FAM107B: variants seen among roughly 807,000 people sequenced by gnomAD.
The protein encoded by FAM107B is protein FAM107B.
In FAM107B, 21 loss-of-function variants were observed where a neutral mutation model predicts 31.5. That is an observed-to-expected ratio of 0.67 (90% CI 0.47 to 0.96). FAM107B has a LOEUF of 0.96. Among genes scored for constraint, FAM107B ranks in the 40% least tolerant of loss-of-function variants. The pLI, the probability that FAM107B is intolerant of heterozygous loss-of-function variation, is 0.00. For missense variants in FAM107B, 452 were observed against 377.1 expected, an observed-to-expected ratio of 1.20 and a Z score of -1.64; for synonymous variants, 157 against 141.5, an observed-to-expected ratio of 1.11 and a Z score of -0.78.
chr10:14,646,324 T>C (rs1853753141), intron 2 of FAM107B, among the ~76,000 whole-genome samples: 1 of 152,068 alleles, frequency 6.6e-6, no homozygotes, highest in South Asian at 2.1e-4. Flanking sequence ...GAATTTTTCA[T>C]TCCTCACCCC....
chr10:14,628,894 T>C (rs1054173782), intron 2 of FAM107B, among the ~76,000 whole-genome samples: 112 of 152,092 alleles, frequency 7.4e-4, no homozygotes, highest in African/African-American at 2.6e-3. Context: ...TGAAACAATT[T>C]GGTATGACTA....
At chr10:14,708,305 T>C (rs1855566487) in intron 1 of FAM107B, among the ~76,000 whole-genome samples, 1 of 152,116 alleles carries the variant, frequency 6.6e-6, no homozygotes, top group Non-Finnish European at 1.5e-5. Context: ...GGTCTCAAAC[T>C]CCTGACCTTA....
intron 1 of FAM107B, among the ~76,000 whole-genome samples, chr10:14,738,551 C>T (rs1196096469): frequency 1.3e-5 from 2 of 152,142 alleles, no homozygotes; most frequent in Non-Finnish European, 2.9e-5. Context: ...CCTTAGGATT[C>T]CCAGCAGTAA....
chr10:14,752,832 T>C (rs1218515274), intron 1 of FAM107B, among the ~76,000 whole-genome samples: 1 of 151,964 alleles, frequency 6.6e-6, no homozygotes, highest in East Asian at 1.9e-4. Context: ...CTTTGGAGGC[T>C]GAGGCCAGAG....
At chr10:14,676,858 A>C (rs1854694896) in intron 1 of FAM107B, among the ~76,000 whole-genome samples, 2 of 152,220 alleles carry the variant, frequency 1.3e-5, no homozygotes, top group South Asian at 4.1e-4. Context: ...TCAAAGCTGC[A>C]AGAAACGCTG....
chr10:14,690,900 T>C (rs1042823478), intron 1 of FAM107B, among the ~76,000 whole-genome samples: 2 of 150,948 alleles, frequency 1.3e-5, no homozygotes, highest in South Asian at 4.2e-4. Flanking sequence ...TGATGATGTC[T>C]GATTGATCCA....
chr10:14,635,022 G>C (rs1490299384), intron 2 of FAM107B, among the ~76,000 whole-genome samples: 2 of 151,818 alleles, frequency 1.3e-5, no homozygotes, highest in African/African-American at 2.4e-5. Flanking sequence ...CCCGGAGGCG[G>C]AGGCTGCAGT....
chr10:14,774,117 T>C, intron 1 of FAM107B, 136 bp downstream of exon 1: 1 of 1,052,640 alleles, frequency 9.5e-7, no homozygotes, highest in Non-Finnish European at 1.3e-6. Context: ...AACACACTTC[T>C]TCGCACTAGT....
chr10:14,672,216 G>A (rs1318034794), intron 1 of FAM107B, among the ~76,000 whole-genome samples: 1 of 151,866 alleles, frequency 6.6e-6, no homozygotes, highest in Non-Finnish European at 1.5e-5. Context: ...AGCCTCCCGA[G>A]CAGCTGGGAT....
At chr10:14,625,013 T>G (rs1323650623) in intron 2 of FAM107B, among the ~76,000 whole-genome samples, 2 of 152,016 alleles carry the variant, frequency 1.3e-5, no homozygotes, top group Non-Finnish European at 2.9e-5. Flanking sequence ...TCACTTGAGG[T>G]CAGGAGTTTG....
chr10:14,646,521 G>A (rs1412130485), intron 2 of FAM107B, among the ~76,000 whole-genome samples: 2 of 152,186 alleles, frequency 1.3e-5, no homozygotes, highest in Admixed American at 1.3e-4. Flanking sequence ...TTTTATAGCT[G>A]AGGCGTATTC....
At chr10:14,764,288 T>C (rs1394613975) in intron 1 of FAM107B, among the ~76,000 whole-genome samples, 1 of 152,326 alleles carries the variant, frequency 6.6e-6, no homozygotes, top group South Asian at 2.1e-4. Context: ...AGATTTGATG[T>C]TTTAAGTTAC....
intron 1 of FAM107B, among the ~76,000 whole-genome samples, chr10:14,736,057 G>C (rs1027822373): frequency 6.6e-6 from 1 of 152,168 alleles, no homozygotes; most frequent in African/African-American, 2.4e-5. Flanking sequence ...GAAAAGAAGA[G>C]GGGGAGCGAG....
rs1388088912 is a variant in FAM107B at position 14,522,004 on chromosome 10, C to G, written c.669G>C (p.Gln223His). 1 of 1,613,676 alleles carries G rather than the reference C, an allele frequency of 6.2e-7. No homozygotes were observed. Among genetic ancestry groups the G allele is most frequent in the Non-Finnish European group, 8.5e-7 (1 of 1,179,968 alleles). The change falls in exon 4 of 5, where the codon CAG becomes CAC. Residue 223 changes from glutamine to histidine, a missense_variant. Transcript: ENST00000181796. The part of the protein sequence containing the change: ...LMNQKRGLAP[Q>H]NKPELQKVME... Reference sequence around the variant, plus strand: ...TCACCTTCTGCAATTCTGGTTTGTTCTGAGGAGCAAGACCCCTGCGAAAGA... The same window carrying G: ...TCACCTTCTGCAATTCTGGTTTGTTGTGAGGAGCAAGACCCCTGCGAAAGA...
At chr10:14,727,987 A>G (rs1175159892) in intron 1 of FAM107B, among the ~76,000 whole-genome samples, 2 of 152,262 alleles carry the variant, frequency 1.3e-5, no homozygotes, top group African/African-American at 2.4e-5. Flanking sequence ...CAGTAACCCT[A>G]TCATCATATT....
chr10:14,530,539 C>T (rs7923002), intron 2 of FAM107B, 24 bp from the exon 3 acceptor site: 2 of 1,608,662 alleles, frequency 1.2e-6, no homozygotes, highest in Non-Finnish European at 8.5e-7. Flanking sequence ...ATGAGAAACA[C>T]TCATTTGCAG....
At position 14,519,568 on chromosome 10, in the gene FAM107B, A is replaced by C. The variant is rs1489890863; in HGVS notation, c.*1622T>G. ...ATAATACTTGCTGATGAGATAAATA[A>C]TCCATTTCAGGTATAATCAACTAAC... On this transcript the variant is annotated 3_prime_UTR_variant, in exon 5 of 5. Transcript: ENST00000181796. 1.3e-5 allele frequency: 2 copies of C among 152,264 alleles called. No individual in the cohort carries two copies. The highest frequency in any genetic ancestry group is 3.8e-4 in the East Asian group (2 of 5,206). 9.4% of individuals were successfully genotyped at this position (152,264 alleles called of 1,614,324 possible).
chr10:14,545,477 A>C (rs1848610849), intron 2 of FAM107B, among the ~76,000 whole-genome samples: 1 of 152,184 alleles, frequency 6.6e-6, no homozygotes, highest in South Asian at 2.1e-4. Flanking sequence ...AGATATTTAG[A>C]TCTAAGTGAA....
chr10:14,746,120 C>A lies in FAM107B; in HGVS notation c.411+28133G>T, dbSNP rs553743682. ...TTTTGCCAGAAACTAGAATTGCAACCCTGCTTTTTTCTGGTTGTCATTTGC... is the reference window on the plus strand; with the variant it reads ...TTTTGCCAGAAACTAGAATTGCAACACTGCTTTTTTCTGGTTGTCATTTGC... On this transcript the variant is annotated intron_variant, in intron 1 of 4. Coordinates refer to ENST00000181796, the MANE Select transcript of FAM107B (RefSeq NM_031453.4). 2.0e-5 allele frequency among the ~76,000 whole-genome samples: 3 copies of A among 152,142 alleles called. No individual in the cohort carries two copies. The South Asian group carries it at 6.2e-4, about 32-fold the overall frequency.
Sources: allele counts gnomAD v4.1 joint callset (sites outside exome capture counted in the v4.1 genomes callset), GRCh38; gene constraint gnomAD v4.1.1; transcripts MANE v1.5; gene names NCBI Gene and HGNC (gene_info 2026-07-23, HGNC 2026-07-21).